Variants in CCDC60 observed in about 807,000 individuals in gnomAD.
CCDC60 encodes the protein coiled-coil domain-containing protein 60.
In CCDC60, 54 loss-of-function variants were observed where a neutral mutation model predicts 63.5. The observed-to-expected ratio is 0.85, with a 90% CI of 0.68 to 1.07. The LOEUF (loss-of-function observed/expected upper bound fraction) is 1.07, where lower values mean the gene tolerates loss of function less well. CCDC60 is among the 50% of genes least tolerant of loss of function. CCDC60 has a pLI of 0.00. For synonymous variants in CCDC60, 206 were observed against 238.8 expected (o/e 0.86, Z 1.27); for missense variants, 651 against 684.3 (o/e 0.95, Z 0.54).
chr12:119,521,965 C>T (rs1952541813), intron 9 of CCDC60, among the ~76,000 whole-genome samples: 1 of 152,224 alleles, frequency 6.6e-6, no homozygotes, highest in Non-Finnish European at 1.5e-5. Context: ...AGGTCTAGTC[C>T]TGTGAGCTTC....
At chr12:119,534,015 G>A (rs556775769) in intron 13 of CCDC60, among the ~76,000 whole-genome samples, 3 of 152,212 alleles carry the variant, frequency 2.0e-5, no homozygotes, top group East Asian at 1.9e-4. Context: ...TGGGGAGTAC[G>A]GCCATTTTCA....
At chr12:119,513,678 C>T (rs1952274497) in intron 7 of CCDC60, among the ~76,000 whole-genome samples, 1 of 152,128 alleles carries the variant, frequency 6.6e-6, no homozygotes, top group African/African-American at 2.4e-5. Flanking sequence ...CGACAGTGGT[C>T]CCATAAGATT....
chr12:119,505,794 G>A (rs1951982619), intron 7 of CCDC60, among the ~76,000 whole-genome samples: 1 of 152,178 alleles, frequency 6.6e-6, no homozygotes, highest in Non-Finnish European at 1.5e-5. Context: ...AGGCGAGGTT[G>A]CAGTGAGCTG....
chr12:119,342,309 T>C (rs1214729895), intron 1 of CCDC60, among the ~76,000 whole-genome samples: 2 of 152,204 alleles, frequency 1.3e-5, no homozygotes, highest in Non-Finnish European at 2.9e-5. Context: ...CTTCCTGACC[T>C]ATTTTCTCTA....
At position 119,448,634 on chromosome 12, in the gene CCDC60, T is replaced by G. The variant is rs560808126; in HGVS notation, c.170+19872T>G. ...ACCCCTCTAAGACATAATTTGCTTC[T>G]AAATATGATGGGGTAAATAGACAAG... On this transcript the variant is annotated intron_variant, in intron 2 of 13. Transcript: ENST00000327554. Among the ~76,000 whole-genome samples the G allele has an allele frequency of 1.8e-3, 267 of 152,210 alleles. 1 individual carries two copies. The highest frequency in any genetic ancestry group is 2.2e-3 in the Admixed American group (34 of 15,292).
chr12:119,391,768 T>G (rs1044870582), intron 1 of CCDC60, among the ~76,000 whole-genome samples: 1 of 152,220 alleles, frequency 6.6e-6, no homozygotes, highest in Non-Finnish European at 1.5e-5. Context: ...AGGGCTTTTC[T>G]GTATTAGGAT....
intron 4 of CCDC60, among the ~76,000 whole-genome samples, chr12:119,482,041 GTA>G (rs200469317): frequency 9.6e-6 from 1 of 104,360 alleles, no homozygotes; most frequent in Non-Finnish European, 2.0e-5. Flanking sequence ...GTATATATAT[GTA>G]TATATATGTG....
chr12:119,523,058 C>T, intron 10 of CCDC60, 57 bp downstream of exon 10: 1 of 1,448,922 alleles, frequency 6.9e-7, no homozygotes, highest in Non-Finnish European at 9.7e-7. Flanking sequence ...TGACCACACC[C>T]TCTATCTTCC....
At chr12:119,360,369 G>A (rs568764694) in intron 1 of CCDC60, among the ~76,000 whole-genome samples, 40 of 87,542 alleles carry the variant, frequency 4.6e-4, no homozygotes, top group Admixed American at 1.7e-3. Flanking sequence ...TCCCGGACGG[G>A]GCGGCTGGCC....
chr12:119,535,132 T>C (rs1952966563), intron 13 of CCDC60, among the ~76,000 whole-genome samples: 1 of 152,184 alleles, frequency 6.6e-6, no homozygotes, highest in Admixed American at 6.5e-5. Context: ...TTCTTCCTGG[T>C]TTAGTCTTGA....
rs60998065 is a variant in CCDC60, at chr12:119,408,699, G to A, written c.91-19984G>A. 6.6e-3 allele frequency among the ~76,000 whole-genome samples: 1,002 copies of A among 152,156 alleles called. 10 individuals carry two copies. Among genetic ancestry groups the A allele is most frequent in the African/African-American group, 0.023 (955 of 41,498 alleles). ...AAATTAGCCAGGCGTGGTGGCGGGC[G>A]CCTGTAGTCCCAGCTACTTGGGAGG... On this transcript the variant is annotated intron_variant, in intron 1 of 13. Coordinates refer to ENST00000327554, the MANE Select transcript of CCDC60 (RefSeq NM_178499.5).
chr12:119,508,385 G>A (rs897843174), intron 7 of CCDC60, among the ~76,000 whole-genome samples: 4 of 151,964 alleles, frequency 2.6e-5, no homozygotes, highest in African/African-American at 7.3e-5. Flanking sequence ...GGAGGCTGAG[G>A]CAGGAGAATC....
At chr12:119,404,330 T>G (rs1384127387) in intron 1 of CCDC60, among the ~76,000 whole-genome samples, 1 of 152,108 alleles carries the variant, frequency 6.6e-6, no homozygotes, top group African/African-American at 2.4e-5. Flanking sequence ...CTTCTGACTG[T>G]CCTCCACCCT....
chr12:119,335,959 T>G (rs1955466544), intron 1 of CCDC60, among the ~76,000 whole-genome samples: 2 of 151,804 alleles, frequency 1.3e-5, no homozygotes, highest in South Asian at 4.2e-4. Flanking sequence ...ATGGATGAAA[T>G]TGGAAATCAT....
chr12:119,347,396 A>C (rs1349959592), intron 1 of CCDC60, among the ~76,000 whole-genome samples: 1 of 152,122 alleles, frequency 6.6e-6, no homozygotes, highest in Non-Finnish European at 1.5e-5. Context: ...CCAAGCTCTG[A>C]CCCACTGAAA....
intron 1 of CCDC60, among the ~76,000 whole-genome samples, chr12:119,386,907 A>G (rs1055488832): frequency 6.6e-6 from 1 of 152,042 alleles, no homozygotes; most frequent in Non-Finnish European, 1.5e-5. Flanking sequence ...GGTGCTGGAA[A>G]ACACAGGGTG....
intron 11 of CCDC60, among the ~76,000 whole-genome samples, chr12:119,525,370 A>G (rs113356562): frequency 0.011 from 1,744 of 152,306 alleles, 27 homozygotes; most frequent in African/African-American, 0.04. Flanking sequence ...CAAGGTCATA[A>G]TGAAGAATGT....
Position 119,503,191 on chromosome 12 carries a change from A to T in CCDC60, c.649-1878A>T, listed in dbSNP as rs189294549. On this transcript the variant is annotated intron_variant, in intron 6 of 13. Transcript: ENST00000327554. ...GACCCTGTCAAATAAAAATAAAAATAAAAAAATTACGTTGATCTGAAGAGC... is the reference window on the plus strand; with the variant it reads ...GACCCTGTCAAATAAAAATAAAAATTAAAAAATTACGTTGATCTGAAGAGC... Among the ~76,000 whole-genome samples, 506 of 152,298 alleles carry T rather than the reference A, an allele frequency of 3.3e-3. 12 individuals carry two copies. The highest frequency in any genetic ancestry group is 9.3e-4 in the Non-Finnish European group (63 of 68,008).
At chr12:119,430,211 C>A (rs1950203975) in intron 2 of CCDC60, among the ~76,000 whole-genome samples, 1 of 152,012 alleles carries the variant, frequency 6.6e-6, no homozygotes, top group Non-Finnish European at 1.5e-5. Context: ...CATACACACA[C>A]ACACACATAT....
Sources: allele counts gnomAD v4.1 joint callset (sites outside exome capture counted in the v4.1 genomes callset), GRCh38; gene constraint gnomAD v4.1.1; transcripts MANE v1.5; gene names NCBI Gene and HGNC (gene_info 2026-07-23, HGNC 2026-07-21).